Variants in ZBTB20 observed in about 807,000 individuals in gnomAD.
ZBTB20 encodes zinc finger and BTB domain containing 20.
A neutral mutation model predicts 56.9 loss-of-function variants in ZBTB20; 9 were observed. The ratio of observed to expected loss-of-function variants is 0.16; its 90% CI spans 0.10 to 0.28. The LOEUF (loss-of-function observed/expected upper bound fraction) is 0.28. Among genes scored for constraint, ZBTB20 ranks in the 10% least tolerant of loss-of-function variants. The pLI is 1.00. For missense variants in ZBTB20, 655 were observed against 1,003.0 expected (o/e 0.65, Z 4.69); for synonymous variants, 417 against 420.7 (o/e 0.99, Z 0.11).
intron 3 of ZBTB20, among the ~76,000 whole-genome samples, chr3:114,926,865 A>G (rs1278671187): frequency 6.6e-6 from 1 of 152,150 alleles, no homozygotes; most frequent in Non-Finnish European, 1.5e-5. Flanking sequence ...TATCCTCCTG[A>G]GTAGCTGGGA....
In ZBTB20 at chr3:114,858,744, A is replaced by G. The variant is rs537424120; in HGVS notation, c.-417+41560T>C. On this transcript the variant is annotated intron_variant, in intron 4 of 11. Coordinates refer to ENST00000675478, the MANE Select transcript of ZBTB20 (RefSeq NM_001348800.3). ...ACATCAGCATCTTATCACTTTGGAC[A>G]TTAAAGTAAAAGAGACTTCTTTGTC... Among the ~76,000 whole-genome samples, 247 of 152,306 alleles carry G rather than the reference A, an allele frequency of 1.6e-3. 1 individual carries two copies. The highest frequency in any genetic ancestry group is 3.4e-3 in the Middle Eastern group (1 of 294).
intron 5 of ZBTB20, among the ~76,000 whole-genome samples, chr3:114,745,398 G>A (rs541928871): frequency 6.6e-6 from 1 of 152,286 alleles, no homozygotes; most frequent in South Asian, 2.1e-4. Flanking sequence ...AGACTGAGAA[G>A]ATGCTAAGAG....
intron 7 of ZBTB20, among the ~76,000 whole-genome samples, chr3:114,497,439 C>G (rs774570770): frequency 6.6e-6 from 1 of 152,208 alleles, no homozygotes; most frequent in Non-Finnish European, 1.5e-5. Context: ...TCACACTGAA[C>G]TATTCACTCC....
intron 4 of ZBTB20, among the ~76,000 whole-genome samples, chr3:114,823,276 C>G (rs2073352319): frequency 6.6e-6 from 1 of 152,116 alleles, no homozygotes; most frequent in Admixed American, 6.6e-5. Flanking sequence ...TGGCACACCA[C>G]ATGTTGCCCT....
chr3:114,911,970 C>T (rs867927317), intron 3 of ZBTB20, among the ~76,000 whole-genome samples: 2 of 151,388 alleles, frequency 1.3e-5, no homozygotes, highest in Non-Finnish European at 2.9e-5. Flanking sequence ...CATATTATAA[C>T]CAAATTGTCA....
chr3:114,653,052 C>T lies in ZBTB20; in HGVS notation c.-295+40476G>A, dbSNP rs544621785. ...TGTTTTGTATATCCCCTAAGAGTTT[C>T]TAATGTAAACAATCATGGTATTTGT... On this transcript the variant is annotated intron_variant, in intron 6 of 11. Transcript: ENST00000675478. Among the ~76,000 whole-genome samples the T allele has an allele frequency of 2.6e-5, 4 of 152,028 alleles. No individual in the cohort carries two copies. In the East Asian group the frequency reaches 7.7e-4, roughly 29 times the overall value.
chr3:114,421,463 A>G (rs1216013307), intron 7 of ZBTB20, among the ~76,000 whole-genome samples: 1 of 152,176 alleles, frequency 6.6e-6, no homozygotes, highest in East Asian at 1.9e-4. Flanking sequence ...TTCACTGCAG[A>G]CGGCAGCAAT....
chr3:114,639,468 AG>A (rs2066237882), intron 6 of ZBTB20, among the ~76,000 whole-genome samples: 1 of 127,728 alleles, frequency 7.8e-6, no homozygotes, highest in African/African-American at 3.1e-5. Context: ...AAATTTCATT[AG>A]TTTTTTTTTT....
chr3:114,560,059 G>A (rs2110272163), intron 6 of ZBTB20, among the ~76,000 whole-genome samples: 1 of 152,302 alleles, frequency 6.6e-6, no homozygotes, highest in South Asian at 2.1e-4. Context: ...CATTGATGCA[G>A]TGTTGTTTTG....
intron 6 of ZBTB20, among the ~76,000 whole-genome samples, chr3:114,560,130 G>A (rs11928119): frequency 0.015 from 2,309 of 152,244 alleles, 57 homozygotes; most frequent in African/African-American, 0.052. Context: ...CTAATACAGT[G>A]ATTAAGAAAC....
chr3:115,129,375 C>A (rs2084434729), intron 1 of ZBTB20, among the ~76,000 whole-genome samples: 1 of 152,138 alleles, frequency 6.6e-6, no homozygotes, highest in South Asian at 2.1e-4. Context: ...ACGGTACAGA[C>A]TATAGTGTAT....
At chr3:114,594,171 A>G (rs1271927357) in intron 6 of ZBTB20, among the ~76,000 whole-genome samples, 1 of 152,212 alleles carries the variant, frequency 6.6e-6, no homozygotes. Context: ...TTTAGTATTA[A>G]TTGAAAAGAG....
chr3:114,370,340 C>A (rs1164806470), intron 10 of ZBTB20, among the ~76,000 whole-genome samples: 1 of 152,144 alleles, frequency 6.6e-6, no homozygotes, highest in East Asian at 1.9e-4. Flanking sequence ...TATGTTTGCT[C>A]CTGAACCCCT....
intron 6 of ZBTB20, among the ~76,000 whole-genome samples, chr3:114,558,354 C>T (rs552853039): frequency 1.1e-4 from 17 of 152,138 alleles, no homozygotes; most frequent in East Asian, 3.9e-4. Context: ...AATCCTCCCT[C>T]CCCGCTAATA....
chr3:114,852,333 G>A (rs1332794495), intron 4 of ZBTB20, among the ~76,000 whole-genome samples: 3 of 151,440 alleles, frequency 2.0e-5, no homozygotes, highest in Non-Finnish European at 4.4e-5. Context: ...GTACAATCTC[G>A]GCTCACTGCA....
At chr3:114,429,104 T>A (rs1205281511) in intron 7 of ZBTB20, among the ~76,000 whole-genome samples, 1 of 152,174 alleles carries the variant, frequency 6.6e-6, no homozygotes, top group Non-Finnish European at 1.5e-5. Context: ...TTCACTACCA[T>A]GGTCAAGAAG....
chr3:115,058,186 T>C (rs535430988), intron 2 of ZBTB20, among the ~76,000 whole-genome samples: 3 of 152,170 alleles, frequency 2.0e-5, no homozygotes, highest in South Asian at 2.1e-4. Context: ...GGTGGGGACA[T>C]AGCCAAACAT....
At chr3:115,043,809 T>C (rs1192885185) in intron 2 of ZBTB20, among the ~76,000 whole-genome samples, 1 of 152,150 alleles carries the variant, frequency 6.6e-6, no homozygotes, top group African/African-American at 2.4e-5. Flanking sequence ...GGTTTTAATA[T>C]GTGTCCCCTC....
intron 2 of ZBTB20, among the ~76,000 whole-genome samples, chr3:115,010,248 T>C (rs1164635418): frequency 6.6e-6 from 1 of 151,932 alleles, no homozygotes; most frequent in African/African-American, 2.4e-5. Context: ...CACTTACTGA[T>C]TGTAGAATCT....
Sources: gnomAD v4.1 joint callset for allele counts (sites outside exome capture counted in the v4.1 genomes callset) on GRCh38, gnomAD v4.1.1 for gene constraint, MANE v1.5 for transcripts, NCBI Gene and HGNC (gene_info 2026-07-23, HGNC 2026-07-21) for gene names.